Variants in PCDHA4 observed in about 807,000 individuals in gnomAD.
The protein encoded by PCDHA4 is protocadherin alpha-4.
In PCDHA4, 49 loss-of-function variants were observed where a neutral mutation model predicts 61.4. That is an observed-to-expected ratio of 0.80 (90% CI 0.63 to 1.01). The LOEUF is 1.01. Ranked by LOEUF, PCDHA4 falls within the 50% of genes least tolerant of loss-of-function variation. PCDHA4 has a pLI of 0.00. For synonymous variants in PCDHA4, 590 were observed against 550.3 expected, an observed-to-expected ratio of 1.07 and a Z score of -1.01; for missense variants, 1,254 against 1,235.8, an observed-to-expected ratio of 1.01 and a Z score of -0.22.
intron 3 of PCDHA4, among the ~76,000 whole-genome samples, chr5:140,989,551 C>T (rs964653534): frequency 2.0e-5 from 3 of 152,178 alleles, no homozygotes; most frequent in African/African-American, 4.8e-5. Flanking sequence ...AATTCCTTTA[C>T]GTTTTGTGGC....
intron 1 of PCDHA4, among the ~76,000 whole-genome samples, chr5:140,844,747 T>A (rs1779528592): frequency 6.7e-6 from 1 of 149,678 alleles, no homozygotes; most frequent in South Asian, 2.1e-4. Context: ...TATTATGGGA[T>A]AAATCTTTGA....
At chr5:140,827,996 G>A in intron 1 of PCDHA4, 2 of 1,481,206 alleles carry the variant, frequency 1.4e-6, no homozygotes, top group Non-Finnish European at 1.8e-6. Context: ...AATGATGGCG[G>A]ACGCAGAAGA....
chr5:140,863,333 CGTT>C, intron 1 of PCDHA4: 1 of 1,399,240 alleles, frequency 7.1e-7, no homozygotes. Flanking sequence ...TTAGTGCTCA[CGTT>C]GCTGCTGTAC....
chr5:140,942,145 CAT>C (rs2093239780), intron 1 of PCDHA4, among the ~76,000 whole-genome samples: 1 of 152,176 alleles, frequency 6.6e-6, no homozygotes, highest in African/African-American at 2.4e-5. Context: ...CTTTACTTGA[CAT>C]AAAACAGCTT....
At chr5:140,876,478 G>T in intron 1 of PCDHA4, 1 of 1,614,032 alleles carries the variant, frequency 6.2e-7, no homozygotes, top group Non-Finnish European at 8.5e-7. Flanking sequence ...TCACAGCATG[G>T]TCCTGGTGGA....
chr5:140,986,397 C>G (rs943993265), intron 3 of PCDHA4, among the ~76,000 whole-genome samples: 1 of 152,162 alleles, frequency 6.6e-6, no homozygotes. Context: ...AAGGGCCAGT[C>G]GCTCATGTTA....
chr5:140,943,450 T>C (rs2093496924), intron 1 of PCDHA4, among the ~76,000 whole-genome samples: 1 of 152,012 alleles, frequency 6.6e-6, no homozygotes, highest in Non-Finnish European at 1.5e-5. Context: ...ATAGAATTGA[T>C]AAGGCTAAAT....
chr5:140,858,776 C>T, intron 1 of PCDHA4: 1 of 420,692 alleles, frequency 2.4e-6, no homozygotes, highest in Non-Finnish European at 4.3e-6. Flanking sequence ...GAGATTAGTA[C>T]TTCATGTTAT....
chr5:140,968,035 G>A, intron 1 of PCDHA4: 1 of 1,614,184 alleles, frequency 6.2e-7, no homozygotes, highest in South Asian at 1.1e-5. Flanking sequence ...CACTGGTGGT[G>A]AGCGGCCCAC....
chr5:140,920,282 T>C (rs1554199556), intron 1 of PCDHA4, among the ~76,000 whole-genome samples: 1 of 152,218 alleles, frequency 6.6e-6, no homozygotes, highest in African/African-American at 2.4e-5. Context: ...TAATCTTATA[T>C]TTTTTAGAGG....
chr5:140,992,216 C>G (rs1554252754), intron 3 of PCDHA4, among the ~76,000 whole-genome samples: 1 of 152,100 alleles, frequency 6.6e-6, no homozygotes, highest in African/African-American at 2.4e-5. Flanking sequence ...AAACTACTCT[C>G]CCTTCCTGGG....
chr5:140,822,197 T>C (rs1767226544), intron 1 of PCDHA4: 1 of 1,614,220 alleles, frequency 6.2e-7, no homozygotes, highest in African/African-American at 1.3e-5. Context: ...AGATTATTCA[T>C]TTTAGAGTCA....
chr5:140,857,507 G>T, intron 1 of PCDHA4: 2 of 1,598,302 alleles, frequency 1.3e-6, no homozygotes, highest in African/African-American at 1.3e-5. Context: ...GCAGGAGAAC[G>T]CCCTGGTGTC....
At chr5:140,908,958 T>C (rs555962129) in intron 1 of PCDHA4, among the ~76,000 whole-genome samples, 2 of 152,268 alleles carry the variant, frequency 1.3e-5, no homozygotes, top group East Asian at 3.9e-4. Context: ...AGAAGGAATA[T>C]CTTGATAGGC....
intron 1 of PCDHA4, among the ~76,000 whole-genome samples, chr5:140,938,121 A>T (rs981387543): frequency 2.0e-5 from 3 of 151,892 alleles, no homozygotes; most frequent in Admixed American, 6.6e-5. Context: ...CTCTTTTTTT[A>T]AAAAAATAGA....
chr5:140,824,309 A>G (rs1768082430), intron 1 of PCDHA4: 3 of 776,146 alleles, frequency 3.9e-6, no homozygotes, highest in African/African-American at 3.5e-5. Flanking sequence ...GGGGTAATAG[A>G]TTCATCAGCT....
At chr5:140,946,573 A>C (rs1272286008) in intron 1 of PCDHA4, among the ~76,000 whole-genome samples, 1 of 147,140 alleles carries the variant, frequency 6.8e-6, no homozygotes, top group African/African-American at 2.6e-5. Flanking sequence ...GAATCAACTT[A>C]GGTGTTCATA....
intron 1 of PCDHA4, among the ~76,000 whole-genome samples, chr5:140,844,013 C>A (rs1015377164): frequency 2.0e-5 from 3 of 149,622 alleles, no homozygotes; most frequent in Non-Finnish European, 3.0e-5. Flanking sequence ...ACTCTAAGGA[C>A]GTTCAGGGCA....
At chr5:140,822,936 C>T (rs1554128957) in intron 1 of PCDHA4, 1 of 1,614,248 alleles carries the variant, frequency 6.2e-7, no homozygotes, top group Admixed American at 1.7e-5. Flanking sequence ...TGACCTGCTC[C>T]CTAATGCCCC....
Sources: gnomAD v4.1 joint callset for allele counts (sites outside exome capture counted in the v4.1 genomes callset) on GRCh38, gnomAD v4.1.1 for gene constraint, MANE v1.5 for transcripts, NCBI Gene and HGNC (gene_info 2026-07-23, HGNC 2026-07-21) for gene names.